CABP1: variants seen among roughly 807,000 people sequenced by gnomAD.
The protein encoded by CABP1 is calcium-binding protein 1.
A neutral mutation model predicts 34.3 loss-of-function variants in CABP1; 17 were observed. That is an observed-to-expected ratio of 0.50 (90% CI 0.34 to 0.74). The LOEUF is 0.74. Among genes scored for constraint, CABP1 ranks in the 30% least tolerant of loss-of-function variants. The probability of loss-of-function intolerance (pLI) is 0.01; values close to 1 mark genes in which losing one functional copy is unlikely to be tolerated. For missense variants in CABP1, 373 were observed against 511.1 expected (o/e 0.73, Z 2.61); for synonymous variants, 198 against 229.2 (o/e 0.86, Z 1.23).
chr12:120,663,566 G>A (rs1373722644), intron 5 of CABP1, among the ~76,000 whole-genome samples: 1 of 152,278 alleles, frequency 6.6e-6, no homozygotes. Context: ...GTGAGCCACC[G>A]CGCCCAGCCT....
intron 1 of CABP1, among the ~76,000 whole-genome samples, chr12:120,647,818 G>T (rs1003117658): frequency 6.7e-6 from 1 of 149,980 alleles, no homozygotes; most frequent in African/African-American, 2.5e-5. Flanking sequence ...CTGACCTCAG[G>T]TGATCCACCT....
intron 1 of CABP1, chr12:120,656,200 C>T (rs141482948): frequency 1.5e-5 from 24 of 1,610,646 alleles, no homozygotes; most frequent in East Asian, 2.2e-5. Context: ...CCCAGAACTG[C>T]GCAGTCATGC....
At chr12:120,650,525 G>C in intron 1 of CABP1, 3 of 1,590,668 alleles carry the variant, frequency 1.9e-6, no homozygotes, top group African/African-American at 1.3e-5. Context: ...GAGGAAGAAC[G>C]GCACAGACGG....
chr12:120,653,977 A>G (rs545049320), intron 1 of CABP1, among the ~76,000 whole-genome samples: 4 of 152,342 alleles, frequency 2.6e-5, no homozygotes, highest in Admixed American at 2.6e-4. Context: ...GGGTTCGGCC[A>G]GTCACTGTTA....
the CABP1 span, among the ~76,000 whole-genome samples, chr12:120,680,704 AC>A: frequency 6.6e-6 from 1 of 152,106 alleles, no homozygotes. Flanking sequence ...CTGAGAGCAA[AC>A]CTGGGGTTAT....
downstream of CABP1, among the ~76,000 whole-genome samples, chr12:120,667,669 A>G (rs547595960): frequency 4.6e-5 from 7 of 150,974 alleles, no homozygotes; most frequent in South Asian, 1.1e-3. Context: ...TTGTATTTTT[A>G]GTAGAGATGG....
chr12:120,669,335 C>T (rs117010375), downstream of CABP1, among the ~76,000 whole-genome samples: 20 of 152,364 alleles, frequency 1.3e-4, no homozygotes, highest in Non-Finnish European at 1.6e-4. Context: ...GCCTGCAGCC[C>T]TGCCTGCCTC....
intron 1 of CABP1, among the ~76,000 whole-genome samples, chr12:120,643,438 A>G (rs879806578): frequency 9.2e-5 from 14 of 152,348 alleles, no homozygotes; most frequent in South Asian, 2.1e-4. Context: ...GTCAGAACCA[A>G]GAGAAGGCAG....
intron 1 of CABP1, chr12:120,650,421 A>G: frequency 7.5e-7 from 1 of 1,329,192 alleles, no homozygotes; most frequent in Non-Finnish European, 9.9e-7. Flanking sequence ...ACAAACACAC[A>G]CACAATCCAC....
At position 120,660,020 on chromosome 12, in the gene CABP1, T is replaced by C. The variant is rs1880527326; in HGVS notation, c.685+112T>C. On this transcript the variant is annotated intron_variant, in intron 2 of 5. Transcript: ENST00000316803. This position sits in a 1 kb window ranked among gnomAD's most constrained non-coding sequence, Gnocchi z 5.0. Reference sequence around the variant, plus strand: ...AAATGGGGCCTGGTGCAACGCGGGGTATCTTCTGTGAAACCAGCTGCTGAA... The same window carrying C: ...AAATGGGGCCTGGTGCAACGCGGGGCATCTTCTGTGAAACCAGCTGCTGAA... 2 of 1,293,394 alleles carry C rather than the reference T, an allele frequency of 1.5e-6. No individual in the cohort carries two copies. The highest frequency in any genetic ancestry group is 2.2e-6 in the Non-Finnish European group (2 of 915,418). 80.1% of individuals were successfully genotyped at this position (1,293,394 alleles called of 1,614,324 possible).
chr12:120,665,375 G>C (rs891019056), intron 5 of CABP1, among the ~76,000 whole-genome samples: 4 of 151,928 alleles, frequency 2.6e-5, no homozygotes, highest in Non-Finnish European at 5.9e-5. Context: ...GCAGTGAGCC[G>C]AGATTGTGCC....
chr12:120,677,957 T>A, the CABP1 span, among the ~76,000 whole-genome samples: 5,747 of 152,238 alleles, frequency 0.038, 136 homozygotes, highest in African/African-American at 0.069. Context: ...TCCTGCGAAG[T>A]TGGGGACCCG....
At chr12:120,665,707 ACCT>A (rs150990201) in intron 5 of CABP1, among the ~76,000 whole-genome samples, 13,566 of 150,278 alleles carry the variant, frequency 0.09, 746 homozygotes, top group East Asian at 0.18. Flanking sequence ...TTTGCCATAA[ACCT>A]AAAATTGCCC....
chr12:120,644,530 TG>T lies in CABP1; in HGVS notation c.654+3193del, dbSNP rs553274380. ...CATGATGACATGGGGCTTTAGGTCTTGGAAGACTATTTTAAGAAACAGGCTT... is the reference window on the plus strand; with the variant it reads ...CATGATGACATGGGGCTTTAGGTCTTGAAGACTATTTTAAGAAACAGGCTT... On this transcript the variant is annotated intron_variant, in intron 1 of 5. Coordinates refer to ENST00000316803, the MANE Select transcript of CABP1 (RefSeq NM_001033677.2). Among the ~76,000 whole-genome samples the T allele has an allele frequency of 2.0e-5, 3 of 152,286 alleles. No individual in the cohort carries two copies. The South Asian group carries it at 6.2e-4, about 32-fold the overall frequency.
intron 1 of CABP1, among the ~76,000 whole-genome samples, chr12:120,643,400 T>A (rs1412741432): frequency 6.6e-6 from 1 of 152,178 alleles, no homozygotes; most frequent in Non-Finnish European, 1.5e-5. Context: ...CTTTTCTCCG[T>A]ATTGAGATTT....
chr12:120,649,750 C>T (rs539400848), intron 1 of CABP1, among the ~76,000 whole-genome samples: 1 of 152,276 alleles, frequency 6.6e-6, no homozygotes, highest in Non-Finnish European at 1.5e-5. Flanking sequence ...GCACACAGAG[C>T]AGAAGGATCT....
At chr12:120,647,629 G>A (rs551882983) in intron 1 of CABP1, among the ~76,000 whole-genome samples, 2 of 138,498 alleles carry the variant, frequency 1.4e-5, no homozygotes, top group South Asian at 2.3e-4. Flanking sequence ...GTGCAATGAC[G>A]CGATCTCGAC....
intron 1 of CABP1, among the ~76,000 whole-genome samples, chr12:120,645,625 T>C (rs1879509774): frequency 6.6e-6 from 1 of 151,346 alleles, no homozygotes; most frequent in African/African-American, 2.4e-5. Context: ...AGGTCAGGAG[T>C]TTGAGACCAG....
intron 1 of CABP1, among the ~76,000 whole-genome samples, chr12:120,657,368 C>T (rs1189800882): frequency 6.6e-6 from 1 of 152,174 alleles, no homozygotes; most frequent in Non-Finnish European, 1.5e-5. Context: ...ACTGAATGCA[C>T]ACTAAGGCCC....
Sources: gnomAD v4.1 joint callset for allele counts (sites outside exome capture counted in the v4.1 genomes callset) on GRCh38, gnomAD v4.1.1 for gene constraint, Gnocchi (gnomAD v3.1) non-coding constraint, MANE v1.5 for transcripts, NCBI Gene and HGNC (gene_info 2026-07-23, HGNC 2026-07-21) for gene names.